CFAP299: variants seen among roughly 807,000 people sequenced by gnomAD.
CFAP299 encodes cilia- and flagella-associated protein 299.
CFAP299 carries 21 observed loss-of-function variants against 27.0 expected under a neutral mutation model. The ratio of observed to expected loss-of-function variants is 0.78; its 90% CI spans 0.55 to 1.12. The LOEUF is 1.12. Among genes scored for constraint, CFAP299 ranks in the 50% most tolerant of loss-of-function variants. CFAP299 has a pLI of 0.00. For missense variants in CFAP299, 310 were observed against 276.6 expected, an observed-to-expected ratio of 1.12 and a Z score of -0.86; for synonymous variants, 104 against 98.1, an observed-to-expected ratio of 1.06 and a Z score of -0.36.
At position 80,684,059 on chromosome 4, in the gene CFAP299, A is replaced by G. The variant is rs572116670; in HGVS notation, c.333+100876A>G. Among the ~76,000 whole-genome samples, 191 of 152,318 alleles carry G rather than the reference A, an allele frequency of 1.3e-3. 1 individual carries two copies. Among genetic ancestry groups the G allele is most frequent in the Middle Eastern group, 3.4e-3 (1 of 294 alleles). On this transcript the variant is annotated intron_variant, in intron 3 of 5. Coordinates refer to ENST00000358105, the MANE Select transcript of CFAP299 (RefSeq NM_152770.3). The stretch of plus-strand genomic sequence containing the variant: ...AAACTGAAGTTCTGTTGACTCCAGT[A>G]TAGTTTTACATGAGAGATAAGCCTA...
At chr4:80,872,664 G>A (rs1733162558) in intron 4 of CFAP299, 1 of 152,928 alleles carries the variant, frequency 6.5e-6, no homozygotes, top group African/African-American at 2.4e-5. Flanking sequence ...CTTTCCCACT[G>A]TAGTGAGTTA....
At chr4:80,743,037 G>A (rs76217450) in intron 3 of CFAP299, among the ~76,000 whole-genome samples, 2,244 of 152,258 alleles carry the variant, frequency 0.015, 48 homozygotes, top group Admixed American at 0.057. Flanking sequence ...TATTGTATCC[G>A]TTAACTTGGT....
intron 2 of CFAP299, among the ~76,000 whole-genome samples, chr4:80,549,142 AATTG>A (rs1291265418): frequency 6.6e-6 from 1 of 152,086 alleles, no homozygotes; most frequent in Non-Finnish European, 1.5e-5. Context: ...TATGAGAAAT[AATTG>A]ATTAAAATGG....
At chr4:80,507,545 GA>G (rs35121166) in intron 2 of CFAP299, among the ~76,000 whole-genome samples, 23,240 of 152,052 alleles carry the variant, frequency 0.15, 2,653 homozygotes, top group African/African-American at 0.33. Flanking sequence ...GTCTTTGGAA[GA>G]TTCAATTTTA....
At chr4:80,588,507 G>A (rs1418118423) in intron 3 of CFAP299, among the ~76,000 whole-genome samples, 1 of 150,846 alleles carries the variant, frequency 6.6e-6, no homozygotes, top group Non-Finnish European at 1.5e-5. Context: ...GACATCTTTA[G>A]TGTTACATAC....
intron 2 of CFAP299, among the ~76,000 whole-genome samples, chr4:80,489,884 T>C (rs758222348): frequency 1.3e-5 from 2 of 151,562 alleles, no homozygotes; most frequent in African/African-American, 2.4e-5. Flanking sequence ...TGATTTTAAA[T>C]TTGCTTCCTT....
chr4:80,773,412 C>T (rs983586017), intron 3 of CFAP299, among the ~76,000 whole-genome samples: 1 of 152,108 alleles, frequency 6.6e-6, no homozygotes, highest in South Asian at 2.1e-4. Flanking sequence ...TTAGCCTATC[C>T]TATTTGGAGG....
At chr4:80,350,163 G>C (rs1722950096) in intron 1 of CFAP299, among the ~76,000 whole-genome samples, 1 of 151,928 alleles carries the variant, frequency 6.6e-6, no homozygotes. Flanking sequence ...AGTCCAAAAT[G>C]AACAAAGGGA....
intron 2 of CFAP299, among the ~76,000 whole-genome samples, chr4:80,402,050 G>A (rs986705790): frequency 6.6e-6 from 1 of 152,130 alleles, no homozygotes; most frequent in Non-Finnish European, 1.5e-5. Context: ...ATTTGGAATG[G>A]CAATATTTAC....
chr4:80,662,493 G>A (rs17004966), intron 3 of CFAP299, among the ~76,000 whole-genome samples: 7,755 of 152,116 alleles, frequency 0.051, 679 homozygotes, highest in African/African-American at 0.18. Flanking sequence ...AGGCATCTCA[G>A]GGGAGGTAAG....
At chr4:80,339,573 A>C (rs1722338457) in intron 1 of CFAP299, among the ~76,000 whole-genome samples, 1 of 152,234 alleles carries the variant, frequency 6.6e-6, no homozygotes, top group Non-Finnish European at 1.5e-5. Flanking sequence ...TGCTATGTAC[A>C]CTGTGCTTTG....
chr4:80,838,302 A>G (rs918897878), intron 3 of CFAP299, among the ~76,000 whole-genome samples: 1 of 152,050 alleles, frequency 6.6e-6, no homozygotes, highest in Admixed American at 6.6e-5. Flanking sequence ...TTTTGTTGCC[A>G]TTGCTTTTGG....
intron 2 of CFAP299, among the ~76,000 whole-genome samples, chr4:80,389,444 A>T (rs1385930027): frequency 6.6e-6 from 1 of 152,176 alleles, no homozygotes; most frequent in Non-Finnish European, 1.5e-5. Flanking sequence ...TTAAAAATTA[A>T]GGCAATTTGC....
chr4:80,471,651 G>A (rs1730003073), intron 2 of CFAP299, among the ~76,000 whole-genome samples: 1 of 151,384 alleles, frequency 6.6e-6, no homozygotes, highest in African/African-American at 2.4e-5. Context: ...TTTCAAATCT[G>A]TTAATTTTGC....
intron 1 of CFAP299, among the ~76,000 whole-genome samples, chr4:80,355,246 G>C (rs1723211050): frequency 6.6e-6 from 1 of 151,928 alleles, no homozygotes; most frequent in Non-Finnish European, 1.5e-5. Context: ...ATCTCATTTA[G>C]GTTTGGATTT....
intron 1 of CFAP299, among the ~76,000 whole-genome samples, chr4:80,357,429 T>C (rs1264675124): frequency 2.0e-5 from 3 of 152,204 alleles, no homozygotes; most frequent in Non-Finnish European, 2.9e-5. Context: ...CTCTTCTTTG[T>C]ACATCTGGTA....
intron 3 of CFAP299, among the ~76,000 whole-genome samples, chr4:80,868,878 T>G (rs1578200213): frequency 6.6e-6 from 1 of 150,502 alleles, no homozygotes; most frequent in African/African-American, 2.5e-5. Flanking sequence ...TTCTGTAATA[T>G]AATTCCATGG....
chr4:80,669,373 G>A (rs1039206597), intron 3 of CFAP299, among the ~76,000 whole-genome samples: 10 of 151,150 alleles, frequency 6.6e-5, no homozygotes, highest in African/African-American at 1.7e-4. Flanking sequence ...GGCTGGTCTC[G>A]AACTCCTGCC....
At chr4:80,709,697 T>C (rs996960597) in intron 3 of CFAP299, among the ~76,000 whole-genome samples, 3 of 152,160 alleles carry the variant, frequency 2.0e-5, no homozygotes, top group Admixed American at 6.6e-5. Flanking sequence ...AAGTTTGTTT[T>C]GTTAAGTCAA....
Sources: gnomAD v4.1 joint callset for allele counts (sites outside exome capture counted in the v4.1 genomes callset) on GRCh38, gnomAD v4.1.1 for gene constraint, MANE v1.5 for transcripts, NCBI Gene and HGNC (gene_info 2026-07-23, HGNC 2026-07-21) for gene names.